RABEP1: variants seen among roughly 807,000 people sequenced by gnomAD.
The protein encoded by RABEP1 is rab GTPase-binding effector protein 1.
In RABEP1, 51 loss-of-function variants were observed where a neutral mutation model predicts 123.4. The observed-to-expected ratio is 0.41, with a 90% CI of 0.33 to 0.52. The LOEUF is 0.52. RABEP1 is among the 20% of genes least tolerant of loss of function. RABEP1 has a pLI of 0.16. For synonymous variants in RABEP1, 347 were observed against 355.2 expected, an observed-to-expected ratio of 0.98 and a Z score of 0.26; for missense variants, 888 against 996.3, an observed-to-expected ratio of 0.89 and a Z score of 1.46.
At chr17:5,327,852 A>G (rs1199079752) in intron 2 of RABEP1, among the ~76,000 whole-genome samples, 2 of 152,334 alleles carry the variant, frequency 1.3e-5, no homozygotes, top group South Asian at 4.1e-4. Context: ...AGTTCCCCAA[A>G]TGGGACCCTC....
chr17:5,341,123 A>G (rs781482988), intron 5 of RABEP1, among the ~76,000 whole-genome samples: 4 of 151,930 alleles, frequency 2.6e-5, no homozygotes, highest in African/African-American at 9.7e-5. Flanking sequence ...AAAATGAGAA[A>G]TCAGAAGTGA....
At chr17:5,315,065 G>A (rs909063913) in intron 2 of RABEP1, among the ~76,000 whole-genome samples, 8 of 152,176 alleles carry the variant, frequency 5.3e-5, no homozygotes, top group Admixed American at 3.3e-4. Context: ...ATTTTCTACT[G>A]GTGTTCAGAA....
chr17:5,299,927 A>ATCTCTACTAAAGAGAT (rs1350910708), intron 1 of RABEP1, among the ~76,000 whole-genome samples: 5 of 150,942 alleles, frequency 3.3e-5, no homozygotes, highest in Admixed American at 1.3e-4. Flanking sequence ...ATGGGGTTTC[A>ATCTCTACTAAAGAGAT]CCATGTGTGC....
At chr17:5,313,249 A>AT (rs2075262698) in intron 2 of RABEP1, among the ~76,000 whole-genome samples, 1 of 152,202 alleles carries the variant, frequency 6.6e-6, no homozygotes, top group African/African-American at 2.4e-5. Flanking sequence ...GATGACCTGT[A>AT]ATACATTTGA....
chr17:5,295,889 CTATT>C (rs1356770800), intron 1 of RABEP1, among the ~76,000 whole-genome samples: 1 of 152,118 alleles, frequency 6.6e-6, no homozygotes, highest in African/African-American at 2.4e-5. Flanking sequence ...CTTTTTGGGA[CTATT>C]TATTCCTTTA....
chr17:5,287,612 A>C (rs1452657252), intron 1 of RABEP1, among the ~76,000 whole-genome samples: 15 of 148,112 alleles, frequency 1.0e-4, no homozygotes, highest in East Asian at 9.7e-4. Flanking sequence ...AAAAAAAAAA[A>C]AAAAAAAAAA....
At chr17:5,316,475 AG>A (rs1474507564) in intron 2 of RABEP1, among the ~76,000 whole-genome samples, 12 of 146,118 alleles carry the variant, frequency 8.2e-5, no homozygotes, top group South Asian at 2.3e-4. Context: ...AAAAAAAAAA[AG>A]AACTGCTGGT....
At chr17:5,341,670 T>C (rs749977417) in intron 5 of RABEP1, among the ~76,000 whole-genome samples, 6 of 152,248 alleles carry the variant, frequency 3.9e-5, no homozygotes, top group African/African-American at 1.2e-4. Flanking sequence ...GAAGAAATTA[T>C]AGATCTGTCT....
intron 5 of RABEP1, among the ~76,000 whole-genome samples, chr17:5,339,642 AC>A (rs1907404999): frequency 6.8e-6 from 1 of 147,602 alleles, no homozygotes; most frequent in Non-Finnish European, 1.5e-5. Context: ...TACTAAAAAT[AC>A]AAAAATTAGC....
Position 5,383,291 on chromosome 17 carries a change from T to C in RABEP1, c.*68T>C. 8.3e-7 allele frequency: 1 copy of C among 1,206,008 alleles called. No homozygotes were observed. Among genetic ancestry groups the C allele is most frequent in the Non-Finnish European group, 1.2e-6 (1 of 816,134 alleles). 74.7% of individuals were successfully genotyped at this position (1,206,008 alleles called of 1,614,324 possible). A position where few individuals can be genotyped will look rare whatever the true frequency, so the allele number is the denominator to read the frequency against. On this transcript the variant is annotated 3_prime_UTR_variant, in exon 18 of 18. Transcript: ENST00000537505. ...CTCATCTTTAGAGCAACAGTAATTA[T>C]TATTTAACTCTTAACTGAAGAAAGA...
In RABEP1 at chr17:5,384,710, A is replaced by G; in HGVS notation, c.*1487A>G. 1 of 211,626 alleles carries G rather than the reference A, an allele frequency of 4.7e-6. No homozygotes were observed. Among genetic ancestry groups the G allele is most frequent in the Non-Finnish European group, 9.5e-6 (1 of 104,868 alleles). 13.1% of individuals were successfully genotyped at this position (211,626 alleles called of 1,614,324 possible). On this transcript the variant is annotated 3_prime_UTR_variant, in exon 18 of 18. Coordinates refer to ENST00000537505, the MANE Select transcript of RABEP1 (RefSeq NM_004703.6). ...TCTTGCATTCATGGTTATGAATTTA[A>G]AAATAAATACCAATTATGGAAATAG...
intron 10 of RABEP1, chr17:5,364,519 G>T (rs1909846308): frequency 6.6e-6 from 1 of 152,362 alleles, no homozygotes. Context: ...ATCACCTGAG[G>T]TTAGGAGTTC....
At chr17:5,343,896 G>A (rs1166684750) in intron 5 of RABEP1, among the ~76,000 whole-genome samples, 3 of 151,514 alleles carry the variant, frequency 2.0e-5, no homozygotes, top group Admixed American at 6.6e-5. Flanking sequence ...GGCTGGTCTC[G>A]AACCCCTGAC....
At chr17:5,373,279 T>C (rs767834157) in intron 12 of RABEP1, 35 bp from the exon 13 acceptor site, 1 of 1,598,724 alleles carries the variant, frequency 6.3e-7, no homozygotes, top group Non-Finnish European at 8.5e-7. Flanking sequence ...CGGATCTACC[T>C]TTCTGGCTGT....
Position 5,384,373 on chromosome 17 carries a change from A to G in RABEP1, c.*1150A>G, listed in dbSNP as rs1219758841. 1 of 212,632 alleles carries G rather than the reference A, an allele frequency of 4.7e-6. No individual in the cohort carries two copies. The highest frequency in any genetic ancestry group is 9.5e-6 in the Non-Finnish European group (1 of 105,112). 13.2% of individuals were successfully genotyped at this position (212,632 alleles called of 1,614,324 possible). ...ACAAAGAATTGATTCATGTTCATCA[A>G]TACCTGCTGAGAGTACTGTCCCAGG... On this transcript the variant is annotated 3_prime_UTR_variant, in exon 18 of 18. Transcript: ENST00000537505.
chr17:5,343,600 G>A (rs140903834), intron 5 of RABEP1, among the ~76,000 whole-genome samples: 124 of 150,258 alleles, frequency 8.3e-4, no homozygotes, highest in East Asian at 7.6e-3. Flanking sequence ...ACTTCAAGTC[G>A]TACTATCTGA....
intron 6 of RABEP1, among the ~76,000 whole-genome samples, chr17:5,347,680 C>G (rs1479423531): frequency 6.6e-6 from 1 of 152,140 alleles, no homozygotes; most frequent in Non-Finnish European, 1.5e-5. Flanking sequence ...ACTCTATTTT[C>G]CAGGGGTACA....
At chr17:5,319,818 G>C (rs1287444919) in intron 2 of RABEP1, among the ~76,000 whole-genome samples, 3 of 152,110 alleles carry the variant, frequency 2.0e-5, no homozygotes, top group East Asian at 3.8e-4. Context: ...TTGAAGACAG[G>C]CTGTTTGAAA....
chr17:5,377,380 A>T (rs1222443326), intron 14 of RABEP1, 75 bp downstream of exon 14: 1 of 1,206,230 alleles, frequency 8.3e-7, no homozygotes, highest in African/African-American at 1.5e-5. Context: ...ATACATGGCC[A>T]TGGAGTCTGG....
Sources: gnomAD v4.1 joint callset for allele counts (sites outside exome capture counted in the v4.1 genomes callset) on GRCh38, gnomAD v4.1.1 for gene constraint, MANE v1.5 for transcripts, NCBI Gene and HGNC (gene_info 2026-07-23, HGNC 2026-07-21) for gene names.